PAGE2B: variants seen among roughly 807,000 people sequenced by gnomAD.
PAGE2B encodes the protein PAGE family member 2B, also known as putative G antigen family E member 3.
PAGE2B carries 5 observed loss-of-function variants against 7.6 expected under a neutral mutation model. That is an observed-to-expected ratio of 0.66 (90% CI 0.34 to 1.38). The LOEUF (loss-of-function observed/expected upper bound fraction) is 1.38, where lower values mean the gene tolerates loss of function less well. Ranked by LOEUF, PAGE2B falls within the 40% of genes most tolerant of loss-of-function variation. The probability of loss-of-function intolerance (pLI) is 0.04; values close to 1 mark genes in which losing one functional copy is unlikely to be tolerated. For missense variants in PAGE2B, 70 were observed against 78.4 expected, an observed-to-expected ratio of 0.89 and a Z score of 0.41; for synonymous variants, 29 against 26.7, an observed-to-expected ratio of 1.09 and a Z score of -0.27.
chrX:55,043,818 C>T, the PAGE2B span, among the ~76,000 whole-genome samples: 9 of 109,302 alleles, frequency 8.2e-5, 1 homozygote, highest in Middle Eastern at 0.014. Flanking sequence ...AATACAAAAT[C>T]GGGCGAGTGT....
chrX:55,065,186 T>C, the PAGE2B span, among the ~76,000 whole-genome samples: 1 of 111,781 alleles, frequency 8.9e-6, no homozygotes, highest in Non-Finnish European at 1.9e-5. Flanking sequence ...GGTCTATCTC[T>C]TTCTTTAGCG....
chrX:55,053,660 G>T, the PAGE2B span, among the ~76,000 whole-genome samples: 1 of 111,420 alleles, frequency 9.0e-6, no homozygotes, highest in East Asian at 2.8e-4. Context: ...ATAACAACAT[G>T]GTCACCATCC....
intron 4 of PAGE2B, among the ~76,000 whole-genome samples, chrX:55,077,768 C>G (rs1459916996): frequency 2.7e-5 from 3 of 112,610 alleles, no homozygotes; most frequent in Non-Finnish European, 5.6e-5. Context: ...GAGGCCAGGA[C>G]TTCCAGAGAT....
the PAGE2B span, among the ~76,000 whole-genome samples, chrX:55,037,957 T>C: frequency 8.8e-3 from 935 of 106,189 alleles, 11 homozygotes; most frequent in African/African-American, 0.03. Flanking sequence ...TGCTAAATGA[T>C]GAGTTAATGG....
At chrX:55,071,734 G>T (rs1936451811), upstream of PAGE2B, among the ~76,000 whole-genome samples, 1 of 111,602 alleles carries the variant, frequency 9.0e-6, no homozygotes. Flanking sequence ...ACTTCTTGGA[G>T]GCCTTGTTCA....
the PAGE2B span, among the ~76,000 whole-genome samples, chrX:55,040,877 C>G: frequency 1.8e-5 from 2 of 110,988 alleles, no homozygotes; most frequent in African/African-American, 6.6e-5. Context: ...GGTTTGCTTG[C>G]GTTCTTCCCC....
At chrX:55,074,820 C>T (rs1301023896), upstream of PAGE2B, among the ~76,000 whole-genome samples, 1 of 112,014 alleles carries the variant, frequency 8.9e-6, no homozygotes, top group Non-Finnish European at 1.9e-5. Flanking sequence ...AAAGGGTGGG[C>T]GGGGGAAAAA....
the PAGE2B span, among the ~76,000 whole-genome samples, chrX:55,035,896 G>A: frequency 2.7e-5 from 3 of 111,689 alleles, no homozygotes; most frequent in Non-Finnish European, 5.6e-5. Flanking sequence ...TGGGCAGTAT[G>A]GCCATTTTCA....
In PAGE2B at chrX:55,076,120, G is replaced by GTGA. The variant is rs1569548340; in HGVS notation, c.81_83dup (p.Val27_Ile28insMet). On this transcript the variant is annotated inframe_insertion, in exon 2 of 5. Coordinates refer to ENST00000374971, the MANE Select transcript of PAGE2B (RefSeq NM_001015038.3). ...AGAGTCTTCCCAGCCAGTTGGATCT[G>GTGA]TGATTGTGAGTCCTTTAACATTTGA... 1.7e-6 allele frequency: 2 copies of GTGA among 1,200,924 alleles called. No homozygotes were observed. The highest frequency in any genetic ancestry group is 4.4e-5 in the Admixed American group (2 of 45,258).
intron 4 of PAGE2B, among the ~76,000 whole-genome samples, chrX:55,077,869 A>G (rs1171455308): frequency 4.5e-5 from 5 of 110,312 alleles, no homozygotes; most frequent in Admixed American, 9.6e-5. Flanking sequence ...TCACAGCTAT[A>G]TGAAGTAATG....
At chrX:55,036,426 T>A in the PAGE2B span, among the ~76,000 whole-genome samples, 1 of 111,427 alleles carries the variant, frequency 9.0e-6, no homozygotes, top group Non-Finnish European at 1.9e-5. Flanking sequence ...AGTATGATAC[T>A]GGCTGTGGGT....
chrX:55,040,077 A>T, the PAGE2B span, among the ~76,000 whole-genome samples: 2 of 108,694 alleles, frequency 1.8e-5, no homozygotes, highest in Admixed American at 2.0e-4. Context: ...CATAAACCAG[A>T]GGCGGATTTT....
At chrX:55,052,058 G>T in the PAGE2B span, among the ~76,000 whole-genome samples, 1 of 112,216 alleles carries the variant, frequency 8.9e-6, no homozygotes, top group African/African-American at 3.2e-5. Context: ...GTCTTTTGGA[G>T]TTTACTGGAG....
At chrX:55,075,847 G>A (rs986331365) in intron 1 of PAGE2B, among the ~76,000 whole-genome samples, 187 bp from the exon 2 acceptor site, 2 of 111,296 alleles carry the variant, frequency 1.8e-5, no homozygotes, top group African/African-American at 6.6e-5. Flanking sequence ...ATGCCTCTTC[G>A]ACTATGATAC....
chrX:55,070,190 C>T (rs754742118), upstream of PAGE2B, among the ~76,000 whole-genome samples: 1 of 111,325 alleles, frequency 9.0e-6, no homozygotes, highest in African/African-American at 3.3e-5. Context: ...ATAAATTTCC[C>T]TCTACACACT....
chrX:55,032,990 C>T, the PAGE2B span, among the ~76,000 whole-genome samples: 1 of 111,290 alleles, frequency 9.0e-6, no homozygotes, highest in Non-Finnish European at 1.9e-5. Context: ...TTTAAACCCC[C>T]ACACTGGATC....
chrX:55,062,624 T>C, the PAGE2B span, among the ~76,000 whole-genome samples: 1 of 111,852 alleles, frequency 8.9e-6, no homozygotes, highest in African/African-American at 3.2e-5. Context: ...TTTGTCCATT[T>C]TTGCTTTGGT....
the PAGE2B span, among the ~76,000 whole-genome samples, chrX:55,052,307 G>A: frequency 6.2e-5 from 7 of 112,437 alleles, no homozygotes; most frequent in Non-Finnish European, 1.3e-4. Flanking sequence ...TAAGCTGTGT[G>A]CTGGGAGAAC....
the PAGE2B span, among the ~76,000 whole-genome samples, chrX:55,061,822 G>A: frequency 1.8e-5 from 2 of 111,179 alleles, no homozygotes; most frequent in Non-Finnish European, 3.8e-5. Context: ...ATTTTTAGCT[G>A]TCACAAATAA....
Sources: gnomAD v4.1 joint callset for allele counts (sites outside exome capture counted in the v4.1 genomes callset) on GRCh38, gnomAD v4.1.1 for gene constraint, MANE v1.5 for transcripts, NCBI Gene and HGNC (gene_info 2026-07-23, HGNC 2026-07-21) for gene names.